Variants in ASZ1 observed in about 807,000 individuals in gnomAD.
ASZ1 encodes ankyrin repeat, SAM and basic leucine zipper domain containing 1, also known as ankyrin repeat, SAM and basic leucine zipper domain-containing protein 1.
A neutral mutation model predicts 61.8 loss-of-function variants in ASZ1; 67 were observed. The observed-to-expected ratio is 1.08, with a 90% CI of 0.89 to 1.33. ASZ1 has a LOEUF of 1.33. Ranked by LOEUF, ASZ1 falls within the 40% of genes most tolerant of loss-of-function variation. The pLI is 0.00. For synonymous variants in ASZ1, 193 were observed against 192.7 expected (o/e 1.00, Z -0.01); for missense variants, 577 against 554.5 (o/e 1.04, Z -0.41).
chr7:117,414,520 A>G (rs1796952555), intron 4 of ASZ1, among the ~76,000 whole-genome samples: 1 of 152,190 alleles, frequency 6.6e-6, no homozygotes, highest in Non-Finnish European at 1.5e-5. Flanking sequence ...GTTCTGGGGT[A>G]CATTTGTAGA....
chr7:117,386,951 C>A (rs887579287), intron 4 of ASZ1, among the ~76,000 whole-genome samples: 2 of 151,866 alleles, frequency 1.3e-5, no homozygotes, highest in African/African-American at 4.8e-5. Context: ...ATTAGATAGA[C>A]AATCTTTATG....
intron 2 of ASZ1, among the ~76,000 whole-genome samples, chr7:117,423,689 C>CAAAAAAAA (rs60144830): frequency 2.6e-4 from 20 of 76,468 alleles, no homozygotes; most frequent in Admixed American, 7.5e-4. Context: ...ACTAAAAATA[C>CAAAAAAAA]AAAAAAAAAA....
At position 117,425,687 on chromosome 7, in the gene ASZ1, A is replaced by C. The variant is rs968116518; in HGVS notation, c.205+1149T>G. 2.0e-5 allele frequency among the ~76,000 whole-genome samples: 3 copies of C among 152,046 alleles called. No individual in the cohort carries two copies. The East Asian group carries it at 5.8e-4, about 29-fold the overall frequency. ...CCAGGACAGAATTATGATGCTTTAC[A>C]TAAAGAAACTGATGCTCTCTGGCTG... On this transcript the variant is annotated intron_variant, in intron 2 of 12. Coordinates refer to ENST00000284629, the MANE Select transcript of ASZ1 (RefSeq NM_130768.3).
In ASZ1 at chr7:117,385,778, G is replaced by C. The variant is rs747046585; in HGVS notation, c.472C>G (p.Arg158Gly). Residue 158 changes from arginine (R) to glycine (G), a missense_variant, in exon 5 of 13, where the codon CGA becomes GGA. Arg to Gly is a moderately radical substitution (Grantham distance 125). Coordinates refer to ENST00000284629, the MANE Select transcript of ASZ1 (RefSeq NM_130768.3). ...RLMTPIMYAA[R>G]DGHTQVVALL... ...GCAACAACCTGGGTGTGACCATCTCGAGCAGCATACATGATTGGGGTCATA... is the reference window on the plus strand; with the variant it reads ...GCAACAACCTGGGTGTGACCATCTCCAGCAGCATACATGATTGGGGTCATA... 30 of 1,613,460 alleles carry C rather than the reference G, an allele frequency of 1.9e-5. No homozygotes were observed. Among genetic ancestry groups the C allele is most frequent in the South Asian group, 1.1e-4 (10 of 91,064 alleles).
At chr7:117,379,375 A>T (rs911197971) in intron 10 of ASZ1, among the ~76,000 whole-genome samples, 3 of 151,498 alleles carry the variant, frequency 2.0e-5, no homozygotes, top group Non-Finnish European at 4.4e-5. Flanking sequence ...ATTTCAAAAA[A>T]TTTTTAAAAA....
chr7:117,412,017 A>G (rs1301933477), intron 4 of ASZ1, among the ~76,000 whole-genome samples: 1 of 150,964 alleles, frequency 6.6e-6, no homozygotes, highest in Non-Finnish European at 1.5e-5. Context: ...TGACAAGGAA[A>G]GATCCCAAAC....
intron 12 of ASZ1, among the ~76,000 whole-genome samples, chr7:117,365,218 G>T (rs1399852381): frequency 1.3e-5 from 2 of 152,108 alleles, no homozygotes; most frequent in Non-Finnish European, 2.9e-5. Flanking sequence ...AACTGTATTT[G>T]CCATTATTAT....
At chr7:117,365,832 A>G (rs191024296) in intron 12 of ASZ1, among the ~76,000 whole-genome samples, 19 of 152,344 alleles carry the variant, frequency 1.2e-4, no homozygotes, top group African/African-American at 4.6e-4. Flanking sequence ...AATTTCTAAG[A>G]TGCCTTTTTT....
At chr7:117,407,331 C>T (rs1048359946) in intron 4 of ASZ1, among the ~76,000 whole-genome samples, 2 of 151,316 alleles carry the variant, frequency 1.3e-5, no homozygotes, top group Non-Finnish European at 2.9e-5. Context: ...GTCAATGCAT[C>T]AGGGATATAG....
rs762487543 is a variant in ASZ1 at position 117,380,015 on chromosome 7, A to T, written c.978T>A (p.Ile326=). The change falls in exon 10 of 13, where the codon ATT becomes ATA. Residue 326 remains isoleucine, a synonymous_variant. Coordinates refer to ENST00000284629, the MANE Select transcript of ASZ1 (RefSeq NM_130768.3). Reference sequence around the variant, plus strand: ...CCTGTAGTTCTTTAAGAGCAGCCAGAATTTTCTGCTGGTCTTTACTGGTAA... The same window carrying T: ...CCTGTAGTTCTTTAAGAGCAGCCAGTATTTTCTGCTGGTCTTTACTGGTAA... ...NGITSKDQQK[I]LAALKELQVE... The T allele has an allele frequency of 6.2e-7, 1 of 1,605,536 alleles. No individual in the cohort carries two copies. The highest frequency in any genetic ancestry group is 8.5e-7 in the Non-Finnish European group (1 of 1,175,662).
intron 4 of ASZ1, among the ~76,000 whole-genome samples, chr7:117,387,643 T>A (rs1182698686): frequency 6.6e-6 from 1 of 152,182 alleles, no homozygotes; most frequent in Non-Finnish European, 1.5e-5. Flanking sequence ...CTGCTTCTGA[T>A]CACTTTTCAT....
At chr7:117,376,886 G>A (rs1796147409) in intron 10 of ASZ1, among the ~76,000 whole-genome samples, 1 of 151,894 alleles carries the variant, frequency 6.6e-6, no homozygotes, top group Non-Finnish European at 1.5e-5. Context: ...AGGCAAGAAT[G>A]TCCACTATCT....
chr7:117,391,797 T>C (rs1251571520), intron 4 of ASZ1, among the ~76,000 whole-genome samples: 2 of 152,120 alleles, frequency 1.3e-5, no homozygotes, highest in Admixed American at 1.3e-4. Flanking sequence ...TTCATATTTT[T>C]TTTTCTTATT....
intron 4 of ASZ1, among the ~76,000 whole-genome samples, chr7:117,396,358 G>C (rs73714647): frequency 2.8e-4 from 43 of 152,236 alleles, no homozygotes; most frequent in African/African-American, 8.9e-4. Context: ...TCCTTTCCTT[G>C]TTGCTGACAT....
intron 4 of ASZ1, among the ~76,000 whole-genome samples, chr7:117,407,055 T>C (rs1796798087): frequency 6.6e-6 from 1 of 151,926 alleles, no homozygotes; most frequent in African/African-American, 2.4e-5. Context: ...CACTGACTAA[T>C]GAAACACCGA....
intron 4 of ASZ1, among the ~76,000 whole-genome samples, chr7:117,387,378 G>A (rs3926643): frequency 0.5 from 75,966 of 151,700 alleles, 20,507 homozygotes; most frequent in African/African-American, 0.71. Flanking sequence ...ACACACATAC[G>A]TGGCAACAAC....
chr7:117,424,467 CT>C, intron 2 of ASZ1, among the ~76,000 whole-genome samples: 1 of 152,286 alleles, frequency 6.6e-6, no homozygotes, highest in Middle Eastern at 3.4e-3. Flanking sequence ...GTAAAGAAAT[CT>C]TTCTCCTTCT....
intron 4 of ASZ1, among the ~76,000 whole-genome samples, chr7:117,394,077 C>T (rs1296270022): frequency 6.6e-6 from 1 of 152,066 alleles, no homozygotes; most frequent in Non-Finnish European, 1.5e-5. Flanking sequence ...AAATTTAATA[C>T]AAATTTATCA....
At chr7:117,374,198 C>T (rs1166091367) in intron 10 of ASZ1, among the ~76,000 whole-genome samples, 1 of 152,044 alleles carries the variant, frequency 6.6e-6, no homozygotes, top group East Asian at 1.9e-4. Flanking sequence ...TCCTGGAATA[C>T]TTCTCTGAAC....
Sources: gnomAD v4.1 joint callset for allele counts (sites outside exome capture counted in the v4.1 genomes callset) on GRCh38, gnomAD v4.1.1 for gene constraint, MANE v1.5 for transcripts, NCBI Gene and HGNC (gene_info 2026-07-23, HGNC 2026-07-21) for gene names.